The following FER variants were observed in gnomAD, a reference collection of about 807,000 sequenced individuals.
The protein encoded by FER is FER tyrosine kinase, also known as tyrosine-protein kinase Fer.
A neutral mutation model predicts 111.0 loss-of-function variants in FER; 63 were observed. The observed-to-expected ratio is 0.57, with a 90% CI of 0.46 to 0.70. The LOEUF (loss-of-function observed/expected upper bound fraction) is 0.70. FER is among the 30% of genes least tolerant of loss of function. The pLI, the probability that FER is intolerant of heterozygous loss-of-function variation, is 0.00. For synonymous variants in FER, 327 were observed against 313.9 expected (o/e 1.04, Z -0.44); for missense variants, 914 against 954.0 (o/e 0.96, Z 0.55).
chr5:108,916,448 C>CT (rs1357855511), intron 10 of FER, among the ~76,000 whole-genome samples: 1 of 152,062 alleles, frequency 6.6e-6, no homozygotes, highest in African/African-American at 2.4e-5. Flanking sequence ...GGGTACCCCC[C>CT]CGACCCCCTG....
intron 2 of FER, among the ~76,000 whole-genome samples, chr5:108,789,602 T>TTTCTTC (rs112328583): frequency 6.6e-6 from 1 of 150,448 alleles, no homozygotes; most frequent in Non-Finnish European, 1.5e-5. Context: ...GAATTTTCTT[T>TTTCTTC]TTCTTCTTCT....
At chr5:109,176,075 A>G (rs555480417) in intron 17 of FER, among the ~76,000 whole-genome samples, 15 of 152,290 alleles carry the variant, frequency 9.8e-5, no homozygotes, top group Middle Eastern at 3.4e-3. Flanking sequence ...GTAAATTAAT[A>G]TATATATTAT....
In FER at chr5:108,749,183, C is replaced by G. The variant is rs576553303; in HGVS notation, c.-206+1183C>G. On this transcript the variant is annotated intron_variant, in intron 1 of 19. Coordinates refer to ENST00000281092, the MANE Select transcript of FER (RefSeq NM_005246.4). ...CCTCCGCCCTCAGCCAGCGCCCCCCCCAACCCCCGTCCCTGGCTGCAGGGT... is the reference window on the plus strand; with the variant it reads ...CCTCCGCCCTCAGCCAGCGCCCCCCGCAACCCCCGTCCCTGGCTGCAGGGT... 1.3e-4 allele frequency among the ~76,000 whole-genome samples: 20 copies of G among 152,088 alleles called. No individual in the cohort carries two copies. The East Asian group carries it at 1.4e-3, about 10-fold the overall frequency.
At chr5:108,806,338 C>T (rs550334075) in intron 3 of FER, among the ~76,000 whole-genome samples, 1 of 152,316 alleles carries the variant, frequency 6.6e-6, no homozygotes, top group Non-Finnish European at 1.5e-5. Context: ...TCCTGGAGAA[C>T]CTCTGCTAGG....
intron 9 of FER, among the ~76,000 whole-genome samples, chr5:108,893,204 G>T (rs1171565514): frequency 6.6e-6 from 1 of 152,076 alleles, no homozygotes; most frequent in Non-Finnish European, 1.5e-5. Flanking sequence ...ATTCTGTGAA[G>T]AAAGTCATTG....
intron 10 of FER, among the ~76,000 whole-genome samples, chr5:108,921,693 G>C (rs1301449342): frequency 6.6e-6 from 1 of 152,096 alleles, no homozygotes; most frequent in Non-Finnish European, 1.5e-5. Context: ...AAAAGACGTT[G>C]ACAATGTTTT....
chr5:108,872,066 T>G (rs1161061149), intron 7 of FER, 27 bp from the exon 8 acceptor site: 1 of 1,603,986 alleles, frequency 6.2e-7, no homozygotes, highest in African/African-American at 1.3e-5. Context: ...TTTACAATGA[T>G]CAAAATTATT....
intron 17 of FER, among the ~76,000 whole-genome samples, chr5:109,172,312 C>G (rs933005618): frequency 4.0e-5 from 6 of 151,298 alleles, no homozygotes; most frequent in South Asian, 2.1e-4. Flanking sequence ...CCATAAAAAT[C>G]GATGAGTTCA....
chr5:108,749,153 C>A (rs1218698881), intron 1 of FER, among the ~76,000 whole-genome samples: 1 of 152,082 alleles, frequency 6.6e-6, no homozygotes, highest in African/African-American at 2.4e-5. Context: ...TGTGCCGAGG[C>A]TCTTCCTCCG....
Position 109,190,762 on chromosome 5 carries a change from G to A in FER, c.*3187G>A, listed in dbSNP as rs1759320440. The A allele has an allele frequency of 6.6e-6, 1 of 152,118 alleles. No homozygotes were observed. Among genetic ancestry groups the A allele is most frequent in the Non-Finnish European group, 1.5e-5 (1 of 67,992 alleles). 9.4% of individuals were successfully genotyped at this position (152,118 alleles called of 1,614,324 possible). A position where few individuals can be genotyped will look rare whatever the true frequency, so the allele number is the denominator to read the frequency against. On this transcript the variant is annotated 3_prime_UTR_variant, in exon 20 of 20. Coordinates refer to ENST00000281092, the MANE Select transcript of FER (RefSeq NM_005246.4). ...TTCTCTTTTATCTCCCAAATTTAAT[G>A]TGGGCAATAAAATTCTCCTTTCGTA...
intron 10 of FER, among the ~76,000 whole-genome samples, chr5:108,911,796 G>T (rs1201941587): frequency 6.6e-6 from 1 of 152,104 alleles, no homozygotes; most frequent in South Asian, 2.1e-4. Context: ...TTATTTCTGG[G>T]TTCTCTGTTC....
At chr5:108,864,405 C>T (rs1763826802) in intron 5 of FER, among the ~76,000 whole-genome samples, 1 of 152,000 alleles carries the variant, frequency 6.6e-6, no homozygotes, top group African/African-American at 2.4e-5. Flanking sequence ...TGAAATTGTC[C>T]CTCTTTGCAA....
At position 109,018,715 on chromosome 5, in the gene FER, A is replaced by G. The variant is rs73778397; in HGVS notation, c.1657-18707A>G. ...GCATATAAAAACCATTTAAAATGGC[A>G]TAGATATAATAATTATTTCCCACAA... On this transcript the variant is annotated intron_variant, in intron 13 of 19. Transcript: ENST00000281092. Among the ~76,000 whole-genome samples, 890 of 151,940 alleles carry G rather than the reference A, an allele frequency of 5.9e-3. 10 individuals are homozygous for G. Among genetic ancestry groups the G allele is most frequent in the African/African-American group, 0.02 (831 of 41,528 alleles).
chr5:108,960,061 C>G (rs1419369658), intron 13 of FER, among the ~76,000 whole-genome samples: 1 of 152,072 alleles, frequency 6.6e-6, no homozygotes, highest in Non-Finnish European at 1.5e-5. Context: ...GGCAAGAGCT[C>G]TTTCCTTTCA....
At chr5:109,102,474 C>G (rs982723983) in intron 17 of FER, among the ~76,000 whole-genome samples, 7 of 152,090 alleles carry the variant, frequency 4.6e-5, no homozygotes, top group African/African-American at 1.4e-4. Context: ...GTCCAGTGAT[C>G]AATTAGTCAC....
intron 3 of FER, among the ~76,000 whole-genome samples, chr5:108,806,394 C>T (rs1479533963): frequency 2.0e-5 from 3 of 152,204 alleles, no homozygotes; most frequent in East Asian, 1.9e-4. Context: ...ACACAGAGTC[C>T]CTACTGGGGC....
chr5:109,146,253 A>AATATATATATATATATATATATATAT (rs6149172), intron 17 of FER, among the ~76,000 whole-genome samples: 10 of 42,118 alleles, frequency 2.4e-4, no homozygotes, highest in Admixed American at 5.2e-4. Flanking sequence ...TAATCTATCT[A>AATATATATATATATATATATATATAT]ATATATATAT....
chr5:108,845,021 T>TAC (rs1476025273), intron 5 of FER, among the ~76,000 whole-genome samples: 47 of 52,724 alleles, frequency 8.9e-4, no homozygotes, highest in African/African-American at 9.0e-4. Context: ...TATATATATA[T>TAC]ATATATATAT....
intron 17 of FER, among the ~76,000 whole-genome samples, chr5:109,179,970 A>G (rs367616627): frequency 2.1e-4 from 32 of 152,328 alleles, no homozygotes; most frequent in African/African-American, 7.7e-4. Flanking sequence ...GTTTGGGCTA[A>G]GAATGAATGA....
Sources: gnomAD v4.1 joint callset for allele counts (sites outside exome capture counted in the v4.1 genomes callset) on GRCh38, gnomAD v4.1.1 for gene constraint, MANE v1.5 for transcripts, NCBI Gene and HGNC (gene_info 2026-07-23, HGNC 2026-07-21) for gene names.